CNKSR1: variants seen among roughly 807,000 people sequenced by gnomAD.
CNKSR1 encodes connector enhancer of kinase suppressor of Ras 1.
A neutral mutation model predicts 95.6 loss-of-function variants in CNKSR1; 88 were observed. The ratio of observed to expected loss-of-function variants is 0.92; its 90% CI spans 0.78 to 1.10. CNKSR1 has a LOEUF of 1.10. CNKSR1 is among the 50% of genes least tolerant of loss of function. The pLI, the probability that CNKSR1 is intolerant of heterozygous loss-of-function variation, is 0.00. For synonymous variants in CNKSR1, 355 were observed against 369.7 expected, an observed-to-expected ratio of 0.96 and a Z score of 0.46; for missense variants, 836 against 912.0, an observed-to-expected ratio of 0.92 and a Z score of 1.07.
In CNKSR1 at chr1:26,184,101, C is replaced by G; in HGVS notation, c.886C>G (p.Gln296Glu). The G allele has an allele frequency of 6.2e-7, 1 of 1,612,222 alleles. No homozygotes were observed. The highest frequency in any genetic ancestry group is 8.5e-7 in the Non-Finnish European group (1 of 1,179,580). ...CCCTCAGGTCCTGGACTCCCCGCAC[C>G]AGAGGAGCCCATCACTGTCTCTGGC... ...TPPQVLDSPH[Q>E]RSPSLSLAPL... is the part of the protein sequence containing the mutation. Residue 296 changes from glutamine to glutamate, a missense_variant, in exon 10 of 21, where the codon CAG (glutamine) becomes GAG (glutamate). Gln to Glu is a conservative substitution (Grantham distance 29). Transcript: ENST00000361530.
chr1:26,183,687 C>A, intron 8 of CNKSR1, 42 bp from the exon 9 acceptor site: 1 of 1,429,952 alleles, frequency 7.0e-7, no homozygotes, highest in Non-Finnish European at 9.9e-7. Context: ...GCTTTAGAGC[C>A]TCCTGCCCAG....
chr1:26,189,454 A>T lies in CNKSR1; in HGVS notation c.2048A>T (p.Glu683Val). Residue 683 changes from glutamate to valine, a missense_variant, in exon 21 of 21, where the codon GAA becomes GTA. By Grantham distance (121) the Glu-to-Val change is moderately radical. Coordinates refer to ENST00000361530, the MANE Select transcript of CNKSR1 (RefSeq NM_006314.3). ...SSHILTSDST[E>V]QSPHSLPSDP... ...CACATCTTGACCTCTGACTCCACAG[A>T]ACAGTCCCCCCACTCCCTGCCCTCT... The T allele has an allele frequency of 4.3e-6, 7 of 1,614,000 alleles. No homozygotes were observed. Among genetic ancestry groups the T allele is most frequent in the Non-Finnish European group, 5.9e-6 (7 of 1,179,968 alleles).
intron 14 of CNKSR1, among the ~76,000 whole-genome samples, chr1:26,186,749 CAGGTGTG>C (rs2088758254): frequency 6.6e-6 from 1 of 152,122 alleles, no homozygotes; most frequent in Non-Finnish European, 1.5e-5. Context: ...GCTGGGATTA[CAGGTGTG>C]AGCCACCACA....
Position 26,187,428 on chromosome 1 carries a change from A to G in CNKSR1, c.1400A>G (p.His467Arg). The G allele has an allele frequency of 6.2e-7, 1 of 1,614,048 alleles. No homozygotes were observed. The highest frequency in any genetic ancestry group is 8.5e-7 in the Non-Finnish European group (1 of 1,179,988). The change falls in exon 16 of 21, where the codon CAT becomes CGT. Residue 467 changes from histidine to arginine, a missense_variant. His to Arg is a conservative substitution (Grantham distance 29). Transcript: ENST00000361530. ...QKKKYVFQLT[H>R]DVYKPFIFAA... ...CCTGGCAGTGTGTTTCAGCTCACCCATGATGTGTACAAACCCTTCATCTTC... is the reference window on the plus strand; with the variant it reads ...CCTGGCAGTGTGTTTCAGCTCACCCGTGATGTGTACAAACCCTTCATCTTC...
At position 26,188,798 on chromosome 1, in the gene CNKSR1, A is replaced by G; in HGVS notation, c.1717A>G (p.Met573Val). Residue 573 changes from methionine (M) to valine (V), a missense_variant, in exon 20 of 21, where the codon ATG becomes GTG. Physicochemically the swap from Met to Val is conservative, Grantham distance 21 (BLOSUM62 1). Transcript: ENST00000361530. ...CAGCAGTGAAGAGGCACTGGAAGGA[A>G]TGGTACGGGGGCTGAGGCAGGGTGG... ...TDSSEEALEG[M>V]VRGLRQGGVS... The G allele has an allele frequency of 6.2e-7, 1 of 1,610,936 alleles. No homozygotes were observed. The highest frequency in any genetic ancestry group is 2.2e-5 in the East Asian group (1 of 44,754).
In CNKSR1 at chr1:26,180,884, T is replaced by C; in HGVS notation, c.380T>C (p.Phe127Ser). ...TTGCATGAAGCTGACGCCCTCCTCTTCTGGCTCAGCAGGTACCCGGGTTGG... is the reference window on the plus strand; with the variant it reads ...TTGCATGAAGCTGACGCCCTCCTCTCCTGGCTCAGCAGGTACCCGGGTTGG... ...ELLHEADALLFWLSRYLFSHL... is the reference protein window; with the variant it reads ...ELLHEADALLSWLSRYLFSHL... The change falls in exon 3 of 21, where the codon TTC becomes TCC. Residue 127 changes from phenylalanine to serine, a missense_variant. By Grantham distance (155) the Phe-to-Ser change is radical. Transcript: ENST00000361530. 6.2e-7 allele frequency: 1 copy of C among 1,614,188 alleles called. No individual in the cohort carries two copies. Among genetic ancestry groups the C allele is most frequent in the Non-Finnish European group, 8.5e-7 (1 of 1,180,024 alleles).
intron 8 of CNKSR1, 66 bp downstream of exon 8, chr1:26,183,480 T>C (rs771872222): frequency 4.5e-5 from 70 of 1,545,470 alleles, no homozygotes; most frequent in Non-Finnish European, 6.0e-5. Context: ...GTCTGGTGGG[T>C]GGGGAGGCAA....
intron 6 of CNKSR1, 72 bp from the exon 7 acceptor site, chr1:26,183,125 G>C: frequency 6.9e-7 from 1 of 1,444,168 alleles, no homozygotes; most frequent in East Asian, 2.3e-5. Flanking sequence ...GAGTCCTGGT[G>C]TCTGGCGGGG....
chr1:26,185,521 C>A (rs980804695), intron 14 of CNKSR1, among the ~76,000 whole-genome samples: 1 of 151,296 alleles, frequency 6.6e-6, no homozygotes, highest in South Asian at 2.1e-4. Flanking sequence ...GCCTCCCGAG[C>A]AGCTGGAACT....
In CNKSR1 at chr1:26,189,131, G is replaced by A. The variant is rs914831107; in HGVS notation, c.1873-148G>A. The A allele has an allele frequency of 1.0e-5, 13 of 1,271,910 alleles. No homozygotes were observed. In the African/African-American group the frequency reaches 1.5e-4, roughly 14 times the overall value. The allele number at this position is 1,271,910 out of a possible 1,614,324, so 78.8% of individuals were successfully genotyped here. A position where few individuals can be genotyped will look rare whatever the true frequency, so the allele number is the denominator to read the frequency against. ...GACTGGGCCAGGCTCTGGGTTCCGA[G>A]TGGGGATTTGAGTCTCACCTAGGCT... is the stretch of plus-strand genomic sequence containing the variant. On this transcript the variant is annotated intron_variant, in intron 20 of 20. Coordinates refer to ENST00000361530, the MANE Select transcript of CNKSR1 (RefSeq NM_006314.3).
rs372250065 is a variant in CNKSR1, at chr1:26,185,105, G to A, written c.1227G>A (p.Pro409=). The A allele has an allele frequency of 8.0e-5, 128 of 1,603,194 alleles. No homozygotes were observed. The African/African-American group carries it at 1.3e-3, about 16-fold the overall frequency. ...GCTGGCTCCTGTTGCGAAAGGCACCGGGCGGCTTCATGGGCCCGCGCTGGC... is the reference window on the plus strand; with the variant it reads ...GCTGGCTCCTGTTGCGAAAGGCACCAGGCGGCTTCATGGGCCCGCGCTGGC... The part of the protein sequence containing the change: ...CDGWLLLRKA[P]GGFMGPRWRR... Residue 409 remains proline (P), a synonymous_variant, in exon 14 of 21, where the codon CCG becomes CCA. Coordinates refer to ENST00000361530, the MANE Select transcript of CNKSR1 (RefSeq NM_006314.3).
rs1411639193 is a variant in CNKSR1, at chr1:26,183,530, G to T, written c.753+116G>T. ...CAGGGTTGTGGGAGCTGCCTTCCAG[G>T]AGATGAGCCAGCTAAGTCTGGTGAG... On this transcript the variant is annotated intron_variant, in intron 8 of 20. Transcript: ENST00000361530. The T allele has an allele frequency of 2.5e-6, 3 of 1,197,148 alleles. No individual in the cohort carries two copies. In the African/African-American group the frequency reaches 4.5e-5, roughly 18 times the overall value. The allele number at this position is 1,197,148 out of a possible 1,614,324, so 74.2% of individuals were successfully genotyped here.
chr1:26,184,892 C>A (rs2088719436), intron 13 of CNKSR1, 122 bp from the exon 14 acceptor site: 2 of 1,031,792 alleles, frequency 1.9e-6, no homozygotes, highest in South Asian at 3.2e-5. Context: ...ACACATGTAG[C>A]ATTCTGAGCA....
chr1:26,189,357 A>T lies in CNKSR1; in HGVS notation c.1951A>T (p.Lys651Ter), dbSNP rs1433905796. Residue 651 changes from lysine (K) to a stop codon, truncating the protein, a stop_gained, in exon 21 of 21, where the codon AAG (lysine) becomes TAG (stop). Coordinates refer to ENST00000361530, the MANE Select transcript of CNKSR1 (RefSeq NM_006314.3). LOFTEE classifies it low-confidence loss of function (END_TRUNC). The part of the protein sequence containing the change: ...ELTGEKFRQW[K>*]EQNRELYSEG... ...GACAGGAGAGAAGTTCCGCCAGTGG[A>T]AGGAGCAGAACCGGGAGCTGTACTC... 6.2e-7 allele frequency: 1 copy of T among 1,614,108 alleles called. No individual in the cohort carries two copies. Among genetic ancestry groups the T allele is most frequent in the Admixed American group, 1.7e-5 (1 of 60,026 alleles).
In CNKSR1 at chr1:26,188,242, G is replaced by A. The variant is rs762589695; in HGVS notation, c.1463G>A (p.Arg488His). 1.5e-5 allele frequency: 24 copies of A among 1,613,900 alleles called. No individual in the cohort carries two copies. The highest frequency in any genetic ancestry group is 2.7e-5 in the African/African-American group (2 of 74,876). Reference protein sequence around the residue: ...DTLTDLSMWVRHLITCISKYQ... With the variant: ...DTLTDLSMWVHHLITCISKYQ... ...CTGCTTGCTCTCCATAGGTGGGTGCGTCATCTCATTACCTGCATCTCCAAG... is the reference window on the plus strand; with the variant it reads ...CTGCTTGCTCTCCATAGGTGGGTGCATCATCTCATTACCTGCATCTCCAAG... Residue 488 changes from arginine (R) to histidine (H), a missense_variant, in exon 17 of 21, where the codon CGT becomes CAT. Coordinates refer to ENST00000361530, the MANE Select transcript of CNKSR1 (RefSeq NM_006314.3).
chr1:26,182,661 C>T, intron 6 of CNKSR1, 77 bp downstream of exon 6: 1 of 1,257,660 alleles, frequency 8.0e-7, no homozygotes, highest in Non-Finnish European at 1.1e-6. Flanking sequence ...GTCCAGGATC[C>T]CACAGAACCC....
chr1:26,183,464 A>G (rs1569878600), intron 8 of CNKSR1, 50 bp downstream of exon 8: 4 of 1,594,156 alleles, frequency 2.5e-6, no homozygotes, highest in Non-Finnish European at 3.4e-6. Context: ...ACCGAGTGGA[A>G]CCCAAGTCTG....
rs774457556 is a variant in CNKSR1 at position 26,184,115 on chromosome 1, A to G, written c.900A>G (p.Ser300=). The change falls in exon 10 of 21, where the codon TCA becomes TCG. Residue 300 remains serine, a synonymous_variant. Transcript: ENST00000361530. The stretch of plus-strand genomic sequence containing the variant: ...ACTCCCCGCACCAGAGGAGCCCATC[A>G]CTGTCTCTGGCCCCACTGTCTCCCA... The part of the protein sequence containing the change: ...VLDSPHQRSP[S]LSLAPLSPRA... 23 of 1,609,882 alleles carry G rather than the reference A, an allele frequency of 1.4e-5. 1 individual carries two copies. In the South Asian group the frequency reaches 2.5e-4, roughly 18 times the overall value.
intron 3 of CNKSR1, among the ~76,000 whole-genome samples, chr1:26,181,280 CA>C (rs11392737): frequency 0.19 from 9,188 of 49,344 alleles, 490 homozygotes; most frequent in East Asian, 0.51. Flanking sequence ...GACTCCCTCT[CA>C]AAAAAAAAAA....
Sources: gnomAD v4.1 joint callset for allele counts (sites outside exome capture counted in the v4.1 genomes callset) on GRCh38, gnomAD v4.1.1 for gene constraint, MANE v1.5 for transcripts, NCBI Gene and HGNC (gene_info 2026-07-23, HGNC 2026-07-21) for gene names.